The following PTPRD variants were observed in gnomAD, a reference collection of about 807,000 sequenced individuals.
The protein encoded by PTPRD is receptor-type tyrosine-protein phosphatase delta.
A neutral mutation model predicts 214.5 loss-of-function variants in PTPRD; 34 were observed. The ratio of observed to expected loss-of-function variants is 0.16; its 90% CI spans 0.12 to 0.21. PTPRD has a LOEUF of 0.21. PTPRD is among the 10% of genes least tolerant of loss of function. PTPRD has a pLI of 1.00. For synonymous variants in PTPRD, 1,128 were observed against 845.7 expected, an observed-to-expected ratio of 1.33 and a Z score of -5.79; for missense variants, 2,545 against 2,398.7, an observed-to-expected ratio of 1.06 and a Z score of -1.27.
At chr9:10,224,111 A>G (rs569982994) in intron 3 of PTPRD, among the ~76,000 whole-genome samples, 1 of 152,128 alleles carries the variant, frequency 6.6e-6, no homozygotes, top group Non-Finnish European at 1.5e-5. Context: ...GCCTCTTGAG[A>G]ATAATAACAC....
rs928014355 is a variant in PTPRD at position 10,387,507 on chromosome 9, G to A, written c.-599-46490C>T. 4.6e-5 allele frequency among the ~76,000 whole-genome samples: 7 copies of A among 151,824 alleles called. 1 individual carries two copies. Among genetic ancestry groups the A allele is most frequent in the Admixed American group, 4.6e-4 (7 of 15,202 alleles). The stretch of plus-strand genomic sequence containing the variant: ...GGGCTGGCTGAACACAGTAAGAGTA[G>A]GTGTTCTGGCAATGGACCTGGCCTC... On this transcript the variant is annotated intron_variant, in intron 2 of 45. Coordinates refer to ENST00000381196, the MANE Select transcript of PTPRD (RefSeq NM_002839.4).
In PTPRD at chr9:10,487,173, G is replaced by C. The variant is rs558610930; in HGVS notation, c.-600+125225C>G. On this transcript the variant is annotated intron_variant, in intron 2 of 45. Transcript: ENST00000381196. Reference sequence around the variant, plus strand: ...ATCTCTTTCCATTCCTTTATTTTCAGTCTATGGGTACCCTTATAGGTGAAG... The same window carrying C: ...ATCTCTTTCCATTCCTTTATTTTCACTCTATGGGTACCCTTATAGGTGAAG... 3.8e-4 allele frequency among the ~76,000 whole-genome samples: 57 copies of C among 151,968 alleles called. 2 individuals carry two copies. In the South Asian group the frequency reaches 0.012, roughly 32 times the overall value.
chr9:10,437,198 G>T (rs1002017652), intron 2 of PTPRD, among the ~76,000 whole-genome samples: 3 of 151,648 alleles, frequency 2.0e-5, no homozygotes, highest in African/African-American at 7.3e-5. Context: ...AAATGGTTTT[G>T]GAATCCACAT....
intron 9 of PTPRD, among the ~76,000 whole-genome samples, chr9:9,301,756 T>C (rs1233816555): frequency 1.3e-5 from 2 of 151,890 alleles, no homozygotes; most frequent in Non-Finnish European, 2.9e-5. Flanking sequence ...ATAGGTATAA[T>C]GGTCATTTCA....
intron 2 of PTPRD, among the ~76,000 whole-genome samples, chr9:10,482,163 A>G (rs987373626): frequency 6.6e-6 from 1 of 152,042 alleles, no homozygotes; most frequent in Non-Finnish European, 1.5e-5. Flanking sequence ...CGAGGTCAGG[A>G]GATTGAGACC....
chr9:8,912,137 A>T (rs1232366280), intron 11 of PTPRD, among the ~76,000 whole-genome samples: 1 of 152,194 alleles, frequency 6.6e-6, no homozygotes, highest in Non-Finnish European at 1.5e-5. Flanking sequence ...CAGATGACCC[A>T]GGAATTCCAC....
At chr9:9,403,421 T>TTCTCTGTC in intron 8 of PTPRD, among the ~76,000 whole-genome samples, 1 of 149,788 alleles carries the variant, frequency 6.7e-6, no homozygotes, top group Admixed American at 6.7e-5. Flanking sequence ...CTCTCTCTCT[T>TTCTCTGTC]TCTCTCTCTC....
At chr9:9,775,113 T>A (rs1245758006) in intron 5 of PTPRD, among the ~76,000 whole-genome samples, 1 of 152,312 alleles carries the variant, frequency 6.6e-6, no homozygotes, top group Non-Finnish European at 1.5e-5. Flanking sequence ...TTATCATCAG[T>A]CTGTAACAGG....
intron 9 of PTPRD, among the ~76,000 whole-genome samples, chr9:9,259,296 G>A (rs1569565900): frequency 6.6e-6 from 1 of 151,834 alleles, no homozygotes; most frequent in Non-Finnish European, 1.5e-5. Context: ...AATTCAATTA[G>A]ACATAGCAGA....
chr9:8,498,918 G>A (rs139946709), intron 25 of PTPRD, among the ~76,000 whole-genome samples: 2 of 152,126 alleles, frequency 1.3e-5, no homozygotes, highest in African/African-American at 2.4e-5. Flanking sequence ...AATTTTCAAT[G>A]CTCTGTTTTA....
At chr9:9,477,842 T>A (rs578034858) in intron 8 of PTPRD, among the ~76,000 whole-genome samples, 1 of 152,284 alleles carries the variant, frequency 6.6e-6, no homozygotes, top group East Asian at 1.9e-4. Context: ...CAGCCAATGT[T>A]AAGGAAGAAT....
At chr9:8,871,970 A>G (rs956271866) in intron 11 of PTPRD, among the ~76,000 whole-genome samples, 5 of 152,150 alleles carry the variant, frequency 3.3e-5, no homozygotes, top group African/African-American at 1.2e-4. Flanking sequence ...GTCCTCTGCA[A>G]GCCAGCAGCC....
At position 8,334,269 on chromosome 9, in the gene PTPRD, C is replaced by T. The variant is rs551748531; in HGVS notation, c.5380-2533G>A. 5.3e-4 allele frequency among the ~76,000 whole-genome samples: 80 copies of T among 151,940 alleles called. 3 individuals are homozygous for T. Among genetic ancestry groups the T allele is most frequent in the Admixed American group, 3.3e-3 (50 of 15,230 alleles). The stretch of plus-strand genomic sequence containing the variant: ...ACATTGCACTTATTCTAACATTGAC[C>T]ACATAATTGGAAGTAAAACACTCCT... On this transcript the variant is annotated intron_variant, in intron 43 of 45. Transcript: ENST00000381196.
At chr9:10,584,439 A>G (rs141042255) in intron 2 of PTPRD, among the ~76,000 whole-genome samples, 1 of 152,286 alleles carries the variant, frequency 6.6e-6, no homozygotes, top group African/African-American at 2.4e-5. Flanking sequence ...TTTCCTCAAT[A>G]AAACACCTAC....
intron 8 of PTPRD, among the ~76,000 whole-genome samples, chr9:9,486,327 T>G (rs1343724548): frequency 3.3e-5 from 5 of 152,240 alleles, no homozygotes; most frequent in African/African-American, 1.2e-4. Context: ...TCAGTCTCTT[T>G]TCCACCCCAT....
chr9:8,411,692 C>A (rs1485932310), intron 35 of PTPRD, among the ~76,000 whole-genome samples: 1 of 152,126 alleles, frequency 6.6e-6, no homozygotes, highest in Non-Finnish European at 1.5e-5. Context: ...AGACAATGTG[C>A]TAGAGGAATA....
chr9:10,587,434 G>T (rs892554116), intron 2 of PTPRD, among the ~76,000 whole-genome samples: 9 of 152,018 alleles, frequency 5.9e-5, no homozygotes, highest in Non-Finnish European at 1.3e-4. Flanking sequence ...AATTCAAACA[G>T]AATCCATATC....
chr9:8,716,113 G>C (rs901965991), intron 12 of PTPRD, among the ~76,000 whole-genome samples: 2 of 152,146 alleles, frequency 1.3e-5, no homozygotes, highest in African/African-American at 4.8e-5. Context: ...TGCGAAAACC[G>C]CAATTACCTT....
intron 5 of PTPRD, among the ~76,000 whole-genome samples, chr9:9,860,857 T>C (rs1179644728): frequency 6.6e-6 from 1 of 152,230 alleles, no homozygotes; most frequent in Non-Finnish European, 1.5e-5. Flanking sequence ...GTTGGTTTTG[T>C]TGTTTTCTTT....
Sources: gnomAD v4.1 joint callset for allele counts (sites outside exome capture counted in the v4.1 genomes callset) on GRCh38, gnomAD v4.1.1 for gene constraint, MANE v1.5 for transcripts, NCBI Gene and HGNC (gene_info 2026-07-23, HGNC 2026-07-21) for gene names.